KCNJ2: variants seen among roughly 807,000 people sequenced by gnomAD.
KCNJ2 encodes inward rectifier potassium channel 2.
A neutral mutation model predicts 28.4 loss-of-function variants in KCNJ2; 12 were observed. The observed-to-expected ratio is 0.42, with a 90% CI of 0.27 to 0.68. KCNJ2 has a LOEUF of 0.68. Among genes scored for constraint, KCNJ2 ranks in the 30% least tolerant of loss-of-function variants. KCNJ2 has a pLI of 0.23. For synonymous variants in KCNJ2, 200 were observed against 203.2 expected (o/e 0.98, Z 0.13); for missense variants, 320 against 551.3 (o/e 0.58, Z 4.20).
chr17:70,174,405 A>G (rs190102128), intron 1 of KCNJ2, among the ~76,000 whole-genome samples: 4 of 152,206 alleles, frequency 2.6e-5, no homozygotes, highest in Non-Finnish European at 5.9e-5. Flanking sequence ...AGTTTTCTAA[A>G]CATGTCCTTT....
intron 1 of KCNJ2, among the ~76,000 whole-genome samples, chr17:70,170,423 G>A (rs1055483573): frequency 1.3e-5 from 2 of 151,986 alleles, no homozygotes; most frequent in African/African-American, 4.8e-5. Flanking sequence ...CAAAAAGATT[G>A]CATCATAGCG....
In KCNJ2 at chr17:70,178,326, A is replaced by G. The variant is rs1371993193; in HGVS notation, c.*2003A>G. ...GTGTTATTTTCAATGAAACAAAGAA[A>G]GAGATGTTAAGCAAGTGGTTGTTTT... On this transcript the variant is annotated 3_prime_UTR_variant, in exon 2 of 2. Coordinates refer to ENST00000243457, the MANE Select transcript of KCNJ2 (RefSeq NM_000891.3). 6.0e-6 allele frequency: 1 copy of G among 167,068 alleles called. No homozygotes were observed. Among genetic ancestry groups the G allele is most frequent in the Non-Finnish European group, 1.5e-5 (1 of 68,128 alleles). The allele number at this position is 167,068 out of a possible 1,614,324, so 10.3% of individuals were successfully genotyped here.
rs1390157044 is a variant in KCNJ2 at position 70,176,387 on chromosome 17, C to T, written c.*64C>T. 3.5e-6 allele frequency: 5 copies of T among 1,444,350 alleles called. No individual in the cohort carries two copies. In the African/African-American group the frequency reaches 7.0e-5, roughly 20 times the overall value. 89.5% of individuals were successfully genotyped at this position (1,444,350 alleles called of 1,614,324 possible). The stretch of plus-strand genomic sequence containing the variant: ...CGGTCTGTTGGTCAGAGGCCCAAAA[C>T]AGTTATACAGATGACGGTACTGGTC... On this transcript the variant is annotated 3_prime_UTR_variant, in exon 2 of 2. Transcript: ENST00000243457.
rs1007896981 is a variant in KCNJ2 at position 70,178,254 on chromosome 17, A to G, written c.*1931A>G. On this transcript the variant is annotated 3_prime_UTR_variant, in exon 2 of 2. Coordinates refer to ENST00000243457, the MANE Select transcript of KCNJ2 (RefSeq NM_000891.3). ...ATGCCGTGCCTGCAAAACTATGACA[A>G]TTTTTGCTGTTTTCAGCCTTCAGAT... 2.4e-5 allele frequency: 4 copies of G among 166,590 alleles called. No individual in the cohort carries two copies. The highest frequency in any genetic ancestry group is 9.7e-5 in the African/African-American group (4 of 41,242). The allele number at this position is 166,590 out of a possible 1,614,324, so 10.3% of individuals were successfully genotyped here.
rs771965504 is a variant in KCNJ2, at chr17:70,175,571, G to A, written c.532G>A (p.Ala178Thr). The A allele has an allele frequency of 6.8e-6, 11 of 1,614,010 alleles. No individual in the cohort carries two copies. Among genetic ancestry groups the A allele is most frequent in the African/African-American group, 4.0e-5 (3 of 74,902 alleles). The part of the protein sequence containing the change: ...GCIIDAFIIG[A>T]VMAKMAKPKK... The stretch of plus-strand genomic sequence containing the variant: ...CATCATCGATGCTTTCATCATTGGC[G>A]CAGTCATGGCCAAGATGGCAAAGCC... Residue 178 changes from alanine (A) to threonine (T), a missense_variant, in exon 2 of 2, where the codon GCA (alanine) becomes ACA (threonine). Physicochemically the swap from Ala to Thr is moderately conservative, Grantham distance 58 (BLOSUM62 0). Around this residue, in one of 3 missense-constraint regions of KCNJ2, gnomAD observed 111 missense variants for 256.7 expected, o/e 0.43. Coordinates refer to ENST00000243457, the MANE Select transcript of KCNJ2 (RefSeq NM_000891.3). The surrounding 1 kb of genome is among the most constrained non-coding windows in gnomAD (Gnocchi z 8.3).
At chr17:70,174,310 C>A (rs555017687) in intron 1 of KCNJ2, among the ~76,000 whole-genome samples, 3 of 152,270 alleles carry the variant, frequency 2.0e-5, no homozygotes, top group African/African-American at 7.2e-5. Context: ...GTCTGTCTTC[C>A]GATTTCAACC....
chr17:70,171,663 A>T (rs1466589258), intron 1 of KCNJ2, among the ~76,000 whole-genome samples: 1 of 152,000 alleles, frequency 6.6e-6, no homozygotes, highest in Non-Finnish European at 1.5e-5. Context: ...TTTAACATCT[A>T]CCTAAGTTTA....
At chr17:70,170,314 C>A (rs1936229472) in intron 1 of KCNJ2, among the ~76,000 whole-genome samples, 1 of 152,092 alleles carries the variant, frequency 6.6e-6, no homozygotes, top group African/African-American at 2.4e-5. Flanking sequence ...ATCACTCTCC[C>A]CTAACCAATT....
rs1197105660 is a variant in KCNJ2 at position 70,170,432 on chromosome 17, C to T, written c.-217+731C>T. On this transcript the variant is annotated intron_variant, in intron 1 of 1. Transcript: ENST00000243457. Reference sequence around the variant, plus strand: ...ATTCTGCAAAAAGATTGCATCATAGCGTGGATTCATCATGACAATTGGAAA... The same window carrying T: ...ATTCTGCAAAAAGATTGCATCATAGTGTGGATTCATCATGACAATTGGAAA... Among the ~76,000 whole-genome samples, 5 of 151,672 alleles carry T rather than the reference C, an allele frequency of 3.3e-5. No individual in the cohort carries two copies. The East Asian group carries it at 9.7e-4, about 29-fold the overall frequency.
In KCNJ2 at chr17:70,174,914, C is replaced by T; in HGVS notation, c.-126C>T. On this transcript the variant is annotated 5_prime_UTR_variant, in exon 2 of 2. Coordinates refer to ENST00000243457, the MANE Select transcript of KCNJ2 (RefSeq NM_000891.3). The stretch of plus-strand genomic sequence containing the variant: ...TAGAACCACAAGGCTCCCAGAGACA[C>T]CCATCTCTCCTCATTTTTTTGGTGT... 1 of 896,354 alleles carries T rather than the reference C, an allele frequency of 1.1e-6. No individual in the cohort carries two copies. Among genetic ancestry groups the T allele is most frequent in the South Asian group, 1.4e-5 (1 of 70,570 alleles). The allele number at this position is 896,354 out of a possible 1,614,324, so 55.5% of individuals were successfully genotyped here.
In KCNJ2 at chr17:70,175,129, T is replaced by G; in HGVS notation, c.90T>G (p.Phe30Leu). The change falls in exon 2 of 2, where the codon TTT becomes TTG. Residue 30 changes from phenylalanine to leucine, a missense_variant. By Grantham distance (22) the Phe-to-Leu change is conservative. Coordinates refer to ENST00000243457, the MANE Select transcript of KCNJ2 (RefSeq NM_000891.3). The surrounding 1 kb of genome is among the most constrained non-coding windows in gnomAD (Gnocchi z 8.3). ...CCACCATGGCAGTTGCAAATGGCTT[T>G]GGGAACGGGAAGAGTAAAGTCCACA... ...KLATMAVANG[F>L]GNGKSKVHTR... 6.2e-7 allele frequency: 1 copy of G among 1,614,148 alleles called. No homozygotes were observed. Among genetic ancestry groups the G allele is most frequent in the Non-Finnish European group, 8.5e-7 (1 of 1,180,024 alleles).
At chr17:70,173,503 G>A (rs1488411328) in intron 1 of KCNJ2, among the ~76,000 whole-genome samples, 1 of 152,138 alleles carries the variant, frequency 6.6e-6, no homozygotes, top group Non-Finnish European at 1.5e-5. Context: ...TACACATTTG[G>A]TAAAGAAAAC....
chr17:70,175,480 C>T lies in KCNJ2; in HGVS notation c.441C>T (p.Phe147=). 1.9e-6 allele frequency: 3 copies of T among 1,614,198 alleles called. No homozygotes were observed. The highest frequency in any genetic ancestry group is 2.5e-6 in the Non-Finnish European group (3 of 1,180,034). The change falls in exon 2 of 2, where the codon TTC becomes TTT. Residue 147 remains phenylalanine (F), a synonymous_variant. Coordinates refer to ENST00000243457, the MANE Select transcript of KCNJ2 (RefSeq NM_000891.3). This position sits in a 1 kb window ranked among gnomAD's most constrained non-coding sequence, Gnocchi z 8.3. ...CCCAGACAACCATAGGCTATGGTTT[C>T]AGATGTGTCACGGATGAATGCCCAA... The part of the protein sequence containing the change: ...IETQTTIGYG[F]RCVTDECPIA...
At chr17:70,173,250 A>T (rs149064298) in intron 1 of KCNJ2, among the ~76,000 whole-genome samples, 1 of 152,366 alleles carries the variant, frequency 6.6e-6, no homozygotes, top group Non-Finnish European at 1.5e-5. Context: ...CAAAAACAAC[A>T]TAAATGGATT....
chr17:70,173,948 C>A (rs991528676), intron 1 of KCNJ2, among the ~76,000 whole-genome samples: 37 of 152,228 alleles, frequency 2.4e-4, no homozygotes, highest in African/African-American at 8.9e-4. Context: ...GCTCTCTATC[C>A]CCCAGAGCAA....
At chr17:70,173,754 T>C (rs934962554) in intron 1 of KCNJ2, among the ~76,000 whole-genome samples, 1 of 152,224 alleles carries the variant, frequency 6.6e-6, no homozygotes, top group African/African-American at 2.4e-5. Flanking sequence ...GATCTGTCCT[T>C]ACACAGTTGT....
Position 70,178,964 on chromosome 17 carries a change from G to A in KCNJ2, c.*2641G>A, listed in dbSNP as rs1247215064. Reference sequence around the variant, plus strand: ...AATATATACCAGCCTTATAAGGTTCGTATTGCTATGTTCTTCTGTTATTTA... The same window carrying A: ...AATATATACCAGCCTTATAAGGTTCATATTGCTATGTTCTTCTGTTATTTA... On this transcript the variant is annotated 3_prime_UTR_variant, in exon 2 of 2. Coordinates refer to ENST00000243457, the MANE Select transcript of KCNJ2 (RefSeq NM_000891.3). The A allele has an allele frequency of 1.2e-5, 2 of 165,010 alleles. No individual in the cohort carries two copies. The highest frequency in any genetic ancestry group is 2.1e-4 in the South Asian group (1 of 4,770). 10.2% of individuals were successfully genotyped at this position (165,010 alleles called of 1,614,324 possible).
rs1598211624 is a variant in KCNJ2 at position 70,176,235 on chromosome 17, G to C, written c.1196G>C (p.Ser399Thr). ...DSENGVPESTSTDTPPDIDLH... is the reference protein window; with the variant it reads ...DSENGVPESTTTDTPPDIDLH... ...GAAAATGGAGTTCCAGAAAGCACTA[G>C]TACGGACACGCCCCCTGACATAGAC... Residue 399 changes from serine to threonine, a missense_variant, in exon 2 of 2, where the codon AGT becomes ACT. Around this residue, in one of 3 missense-constraint regions of KCNJ2, gnomAD observed 155 missense variants for 231.6 expected, o/e 0.67. Transcript: ENST00000243457. The C allele has an allele frequency of 6.2e-7, 1 of 1,614,098 alleles. No individual in the cohort carries two copies. Among genetic ancestry groups the C allele is most frequent in the Non-Finnish European group, 8.5e-7 (1 of 1,180,020 alleles).
intron 1 of KCNJ2, 29 bp downstream of exon 1, chr17:70,169,730 C>G (rs906341750): frequency 1.3e-5 from 2 of 153,550 alleles, no homozygotes; most frequent in African/African-American, 4.8e-5. Flanking sequence ...TCTTCCTTTT[C>G]GCTCGCTGCC....
Sources: allele counts gnomAD v4.1 joint callset (sites outside exome capture counted in the v4.1 genomes callset), GRCh38; gene constraint gnomAD v4.1.1; regional missense constraint gnomAD v4.1.1; non-coding constraint Gnocchi (gnomAD v3.1); transcripts MANE v1.5; gene names NCBI Gene and HGNC (gene_info 2026-07-23, HGNC 2026-07-21).